Variants in GET4 observed in about 807,000 individuals in gnomAD.
The protein encoded by GET4 is guided entry of tail-anchored proteins factor 4, also known as Golgi to ER traffic protein 4 homolog.
GET4 carries 20 observed loss-of-function variants against 40.0 expected under a neutral mutation model. The observed-to-expected ratio is 0.50, with a 90% CI of 0.35 to 0.73. The LOEUF (loss-of-function observed/expected upper bound fraction) is 0.73, where lower values mean the gene tolerates loss of function less well. Among genes scored for constraint, GET4 ranks in the 30% least tolerant of loss-of-function variants. The pLI, the probability that GET4 is intolerant of heterozygous loss-of-function variation, is 0.01. For synonymous variants in GET4, 280 were observed against 194.6 expected (o/e 1.44, Z -3.65); for missense variants, 557 against 454.0 (o/e 1.23, Z -2.06).
intron 1 of GET4, chr7:877,906 T>G (rs892092299): frequency 1.4e-5 from 1 of 70,166 alleles, no homozygotes; most frequent in East Asian, 4.8e-4. Flanking sequence ...GGCCTGCCCC[T>G]TGCCTCCCCC....
At chr7:894,637 G>A (rs1381892943) in intron 8 of GET4, among the ~76,000 whole-genome samples, 1 of 152,178 alleles carries the variant, frequency 6.6e-6, no homozygotes, top group Admixed American at 6.5e-5. Flanking sequence ...TGACTCTTCT[G>A]ACTCTCCAGT....
intron 5 of GET4, among the ~76,000 whole-genome samples, chr7:891,989 A>T (rs1844334241): frequency 6.6e-6 from 1 of 152,172 alleles, no homozygotes; most frequent in African/African-American, 2.4e-5. Flanking sequence ...CGGCCTCAGG[A>T]GAGGAGAGCT....
intron 1 of GET4, chr7:885,476 G>T (rs1844168964): frequency 6.5e-6 from 1 of 153,320 alleles, no homozygotes; most frequent in Admixed American, 6.5e-5. Context: ...CCTGCCAGCG[G>T]TGCTCTGGGA....
chr7:893,608 T>G (rs1302949979), intron 6 of GET4, 132 bp from the exon 7 acceptor site: 1 of 437,402 alleles, frequency 2.3e-6, no homozygotes, highest in African/African-American at 3.8e-5. Context: ...GGGCGCGGTG[T>G]GTGCAGGTGA....
chr7:894,613 C>T (rs760789289), intron 8 of GET4, among the ~76,000 whole-genome samples: 26 of 152,172 alleles, frequency 1.7e-4, no homozygotes, highest in Non-Finnish European at 2.4e-4. Flanking sequence ...CCCCAACACC[C>T]GTCAGGAGCG....
intron 6 of GET4, among the ~76,000 whole-genome samples, chr7:892,730 C>T (rs372916399): frequency 1.6e-5 from 2 of 123,830 alleles, no homozygotes; most frequent in Non-Finnish European, 3.4e-5. Context: ...TGGGTGCAGA[C>T]GTCTGGGGGG....
rs1449202059 is a variant in GET4 at position 893,501 on chromosome 7, GCA to G, written c.747-238_747-237del. Among the ~76,000 whole-genome samples the G allele has an allele frequency of 9.2e-5, 10 of 108,418 alleles. 1 individual carries two copies. The highest frequency in any genetic ancestry group is 2.0e-4 in the Non-Finnish European group (10 of 49,572). 71.1% of individuals were successfully genotyped at this position (108,418 alleles called of 152,430 possible). A position where few individuals can be genotyped will look rare whatever the true frequency, so the allele number is the denominator to read the frequency against. ...TTGTGCAGGTGAGTGTTGGGTGCGG[GCA>G]TGGTGGTTGCAGGTGAGTGTTGGGT... On this transcript the variant is annotated intron_variant, in intron 6 of 8. Coordinates refer to ENST00000265857, the MANE Select transcript of GET4 (RefSeq NM_015949.3).
intron 4 of GET4, among the ~76,000 whole-genome samples, chr7:888,204 A>C (rs1015874344): frequency 1.3e-5 from 2 of 152,056 alleles, no homozygotes; most frequent in African/African-American, 4.8e-5. Context: ...CCCGCATTGG[A>C]AGCTCTAGGA....
intron 8 of GET4, among the ~76,000 whole-genome samples, 197 bp downstream of exon 8, chr7:894,168 C>A (rs1393381064): frequency 6.6e-6 from 1 of 151,388 alleles, no homozygotes; most frequent in East Asian, 1.9e-4. Context: ...GCTCGCAGCC[C>A]CGTCTCCACT....
intron 1 of GET4, chr7:883,994 A>C: frequency 9.2e-7 from 1 of 1,084,382 alleles, no homozygotes. Flanking sequence ...TGCAAGGCGC[A>C]GTCCAAACCA....
chr7:889,681 GGCGAGCGGGTGTT>G (rs1844272857), intron 4 of GET4, among the ~76,000 whole-genome samples: 1 of 143,232 alleles, frequency 7.0e-6, no homozygotes, highest in Non-Finnish European at 1.6e-5. Flanking sequence ...CGGGGTCTGG[GGCGAGCGGGTGTT>G]AGGACGGGCC....
chr7:877,505 G>A (rs1843986278), intron 1 of GET4, among the ~76,000 whole-genome samples: 1 of 57,152 alleles, frequency 1.7e-5, no homozygotes, highest in East Asian at 6.4e-4. Context: ...CCCACCCCCC[G>A]TCTCTCTCTC....
At chr7:889,771 G>A (rs1844277066) in intron 4 of GET4, among the ~76,000 whole-genome samples, 1 of 103,810 alleles carries the variant, frequency 9.6e-6, no homozygotes. Context: ...GCGAGCGGGT[G>A]TTAGGACGGG....
At chr7:878,103 G>T (rs1006648973) in intron 1 of GET4, 5 of 329,466 alleles carry the variant, frequency 1.5e-5, no homozygotes, top group Non-Finnish European at 3.1e-5. Context: ...CTGCCGAACC[G>T]AGTCAGCCGC....
chr7:892,093 C>T (rs913984407), intron 5 of GET4, among the ~76,000 whole-genome samples, 185 bp from the exon 6 acceptor site: 4 of 152,284 alleles, frequency 2.6e-5, no homozygotes, highest in Non-Finnish European at 4.4e-5. Context: ...CTGTGAATTG[C>T]AGGCTTCCCT....
rs1321060171 is a variant in GET4, at chr7:889,791, T to C, written c.467-1137T>C. Among the ~76,000 whole-genome samples, 6 of 34,332 alleles carry C rather than the reference T, an allele frequency of 1.7e-4. 1 individual carries two copies. Among genetic ancestry groups the C allele is most frequent in the Admixed American group, 1.5e-3 (4 of 2,622 alleles). 22.5% of individuals were successfully genotyped at this position (34,332 alleles called of 152,430 possible). A position where few individuals can be genotyped will look rare whatever the true frequency, so the allele number is the denominator to read the frequency against. Reference sequence around the variant, plus strand: ...CGGGTGTTAGGACGGGGCCTGGGAGTGGAGGGAGCGAGAGCGGGTGTTAGG... The same window carrying C: ...CGGGTGTTAGGACGGGGCCTGGGAGCGGAGGGAGCGAGAGCGGGTGTTAGG... On this transcript the variant is annotated intron_variant, in intron 4 of 8. Coordinates refer to ENST00000265857, the MANE Select transcript of GET4 (RefSeq NM_015949.3).
chr7:883,466 G>C (rs903840714), intron 1 of GET4: 151 of 977,538 alleles, frequency 1.5e-4, no homozygotes, highest in Non-Finnish European at 1.7e-4. Context: ...TCTGTGTTCT[G>C]CTTTTTAATG....
At position 876,670 on chromosome 7, in the gene GET4, G is replaced by T; in HGVS notation, c.25G>T (p.Glu9Ter). 7.6e-7 allele frequency: 1 copy of T among 1,319,588 alleles called. No individual in the cohort carries two copies. The allele number at this position is 1,319,588 out of a possible 1,614,324, so 81.7% of individuals were successfully genotyped here. A position where few individuals can be genotyped will look rare whatever the true frequency, so the allele number is the denominator to read the frequency against. Residue 9 changes from glutamate (E) to a stop codon, truncating the protein, a stop_gained, in exon 1 of 9, where the codon GAG becomes TAG. Coordinates refer to ENST00000265857, the MANE Select transcript of GET4 (RefSeq NM_015949.3). LOFTEE classifies it high-confidence loss of function. ...GATGGCGGCGGCGGCGGCGATGGCCGAGCAGGAGAGCGCCCGGAACGGCGG... is the reference window on the plus strand; with the variant it reads ...GATGGCGGCGGCGGCGGCGATGGCCTAGCAGGAGAGCGCCCGGAACGGCGG... MAAAAAMA[E>*]QESARNGGRN...
chr7:891,052 C>T lies in GET4; in HGVS notation c.591C>T (p.Ala197=), dbSNP rs13171. The change falls in exon 5 of 9, where the codon GCC becomes GCT. Residue 197 remains alanine (A), a synonymous_variant. Coordinates refer to ENST00000265857, the MANE Select transcript of GET4 (RefSeq NM_015949.3). ...GCAGCGAGGTGGACATGTTCGTGGC[C>T]CAGGCCGTGCTACAGTAGGTGTCTG... The part of the protein sequence containing the change: ...GFRSEVDMFV[A]QAVLQFLCLK... 293,027 of 1,602,318 alleles carry T rather than the reference C, an allele frequency of 0.18. 28,494 individuals are homozygous for T. The highest frequency in any genetic ancestry group is 0.34 in the East Asian group (14,947 of 44,542).
Sources: gnomAD v4.1 joint callset for allele counts (sites outside exome capture counted in the v4.1 genomes callset) on GRCh38, gnomAD v4.1.1 for gene constraint, MANE v1.5 for transcripts, NCBI Gene and HGNC (gene_info 2026-07-23, HGNC 2026-07-21) for gene names.